The following MBNL1 variants were observed in gnomAD, a reference collection of about 807,000 sequenced individuals.
MBNL1 encodes muscleblind-like protein 1.
Under a neutral mutation model 42.2 loss-of-function variants are expected in MBNL1, and 8 were observed. The observed-to-expected ratio is 0.19, with a 90% CI of 0.11 to 0.34. MBNL1 has a LOEUF of 0.34. Among genes scored for constraint, MBNL1 ranks in the 10% least tolerant of loss-of-function variants. MBNL1 has a pLI of 1.00. For synonymous variants in MBNL1, 169 were observed against 173.9 expected, an observed-to-expected ratio of 0.97 and a Z score of 0.22; for missense variants, 309 against 495.3, an observed-to-expected ratio of 0.62 and a Z score of 3.57.
intron 6 of MBNL1, among the ~76,000 whole-genome samples, 184 bp from the exon 7 acceptor site, chr3:152,455,358 C>T (rs371276493): frequency 1.3e-5 from 2 of 152,170 alleles, no homozygotes; most frequent in African/African-American, 4.8e-5. Context: ...TCACTTGAGA[C>T]TAGTTCTAAT....
intron 3 of MBNL1, among the ~76,000 whole-genome samples, chr3:152,417,585 G>C (rs1306528766): frequency 6.6e-6 from 1 of 152,130 alleles, no homozygotes; most frequent in Non-Finnish European, 1.5e-5. Context: ...AGGAAGGAGA[G>C]AGGGAGACAG....
chr3:152,292,432 T>G (rs1488540201), intron 1 of MBNL1, among the ~76,000 whole-genome samples: 1 of 152,198 alleles, frequency 6.6e-6, no homozygotes, highest in Non-Finnish European at 1.5e-5. Flanking sequence ...CTTCCTACAG[T>G]AGACCACTAG....
At chr3:152,445,675 C>A in intron 5 of MBNL1, 136 bp downstream of exon 5, 1 of 882,038 alleles carries the variant, frequency 1.1e-6, no homozygotes. Context: ...GTATCCCAGA[C>A]AATATATAAA....
At chr3:152,343,893 C>T (rs1468358412) in intron 2 of MBNL1, among the ~76,000 whole-genome samples, 1 of 151,962 alleles carries the variant, frequency 6.6e-6, no homozygotes, top group Non-Finnish European at 1.5e-5. Flanking sequence ...GTACCAGAGA[C>T]TTGAGGAAAA....
At chr3:152,306,993 T>C (rs980983519) in intron 2 of MBNL1, among the ~76,000 whole-genome samples, 1 of 152,140 alleles carries the variant, frequency 6.6e-6, no homozygotes, top group African/African-American at 2.4e-5. Context: ...ACTGTACTTA[T>C]TTATTTATTT....
chr3:152,456,500 C>G, intron 8 of MBNL1, 139 bp downstream of exon 8: 1 of 680,482 alleles, frequency 1.5e-6, no homozygotes, highest in Non-Finnish European at 2.7e-6. Flanking sequence ...CTTTAATAAG[C>G]ATGGGGTTTC....
intron 2 of MBNL1, among the ~76,000 whole-genome samples, chr3:152,350,401 G>A (rs2094826956): frequency 6.6e-6 from 1 of 152,056 alleles, no homozygotes; most frequent in Admixed American, 6.6e-5. Context: ...AATGCATGAG[G>A]CCTCAACACA....
At chr3:152,277,925 ATAAAC>A (rs1204176162) in intron 1 of MBNL1, among the ~76,000 whole-genome samples, 3 of 152,256 alleles carry the variant, frequency 2.0e-5, no homozygotes, top group African/African-American at 4.8e-5. Context: ...GCATGTTTCT[ATAAAC>A]TAGAGAATAA....
intron 1 of MBNL1, among the ~76,000 whole-genome samples, chr3:152,274,643 A>G (rs560386627): frequency 5.3e-5 from 8 of 152,288 alleles, no homozygotes; most frequent in East Asian, 1.9e-4. Flanking sequence ...CTATTCAGCA[A>G]TGGTTCCATA....
intron 2 of MBNL1, among the ~76,000 whole-genome samples, chr3:152,365,597 T>TC (rs2096305468): frequency 6.6e-6 from 1 of 152,150 alleles, no homozygotes; most frequent in East Asian, 1.9e-4. Context: ...TAATTTTTTT[T>TC]CCCTAAAATT....
intron 1 of MBNL1, among the ~76,000 whole-genome samples, chr3:152,270,875 G>A (rs1004587502): frequency 1.3e-4 from 20 of 152,092 alleles, no homozygotes; most frequent in Non-Finnish European, 4.4e-5. Context: ...TTAATGGGGG[G>A]TTTCCTTGCT....
intron 2 of MBNL1, among the ~76,000 whole-genome samples, chr3:152,336,060 C>T (rs990167263): frequency 5.3e-5 from 8 of 152,114 alleles, no homozygotes; most frequent in Non-Finnish European, 1.2e-4. Context: ...ACTGTGAGCA[C>T]ATTCATCAAA....
chr3:152,400,815 C>CGTTT (rs2098183032), intron 2 of MBNL1, among the ~76,000 whole-genome samples: 1 of 152,140 alleles, frequency 6.6e-6, no homozygotes, highest in African/African-American at 2.4e-5. Flanking sequence ...TATCAGTTAA[C>CGTTT]TAACAGTCAG....
chr3:152,324,838 G>C (rs377029650), intron 2 of MBNL1, among the ~76,000 whole-genome samples: 4 of 151,948 alleles, frequency 2.6e-5, no homozygotes, highest in African/African-American at 9.7e-5. Flanking sequence ...ATTGATGTGA[G>C]GTTGAATAAG....
At chr3:152,398,578 T>C (rs975708166) in intron 2 of MBNL1, among the ~76,000 whole-genome samples, 8 of 152,190 alleles carry the variant, frequency 5.3e-5, no homozygotes, top group African/African-American at 1.9e-4. Context: ...CTGGGATTAT[T>C]ATCTAGAGAA....
chr3:152,348,119 G>A (rs1168858496), intron 2 of MBNL1, among the ~76,000 whole-genome samples: 4 of 152,086 alleles, frequency 2.6e-5, no homozygotes, highest in African/African-American at 9.7e-5. Context: ...TAGTTCTATT[G>A]CTTGAAAGAG....
chr3:152,455,565 G>T lies in MBNL1; in HGVS notation c.985G>T (p.Ala329Ser). Residue 329 changes from alanine (A) to serine (S), a missense_variant, in exon 7 of 10, where the codon GCT (alanine) becomes TCT (serine). Physicochemically the swap from Ala to Ser is moderately conservative, Grantham distance 99. Coordinates refer to ENST00000324210, the MANE Select transcript of MBNL1 (RefSeq NM_021038.5). ...PPGSILCMTP[A>S]TSVVPMVHGA... ...AGGCTCAATATTGTGCATGACACCC[G>T]CTACAAGTGTTGGTAGGTGCCAGCT... is the stretch of plus-strand genomic sequence containing the variant. 1 of 1,613,250 alleles carries T rather than the reference G, an allele frequency of 6.2e-7. No individual in the cohort carries two copies. Among genetic ancestry groups the T allele is most frequent in the African/African-American group, 1.3e-5 (1 of 74,994 alleles).
At chr3:152,250,563 A>C (rs2034341118) in intron 2 of MBNL1, among the ~76,000 whole-genome samples, 1 of 152,068 alleles carries the variant, frequency 6.6e-6, no homozygotes, top group Admixed American at 6.6e-5. Flanking sequence ...AGTCGTCTGC[A>C]AACAGGGACA....
At chr3:152,370,396 C>A (rs2096606610) in intron 2 of MBNL1, among the ~76,000 whole-genome samples, 1 of 152,154 alleles carries the variant, frequency 6.6e-6, no homozygotes, top group Non-Finnish European at 1.5e-5. Context: ...TTTGCACTTG[C>A]TGAGGAGTGT....
Sources: gnomAD v4.1 joint callset for allele counts (sites outside exome capture counted in the v4.1 genomes callset) on GRCh38, gnomAD v4.1.1 for gene constraint, MANE v1.5 for transcripts, NCBI Gene and HGNC (gene_info 2026-07-23, HGNC 2026-07-21) for gene names.